TBXAS1: variants seen among roughly 807,000 people sequenced by gnomAD.
The protein encoded by TBXAS1 is thromboxane A synthase 1, also known as thromboxane-A synthase.
In TBXAS1, 48 loss-of-function variants were observed where a neutral mutation model predicts 60.7. The ratio of observed to expected loss-of-function variants is 0.79; its 90% CI spans 0.63 to 1.01. The LOEUF is 1.01. TBXAS1 is among the 50% of genes least tolerant of loss of function. The probability of loss-of-function intolerance (pLI) is 0.00; values close to 1 mark genes in which losing one functional copy is unlikely to be tolerated. For missense variants in TBXAS1, 685 were observed against 686.3 expected (o/e 1.00, Z 0.02); for synonymous variants, 287 against 269.7 (o/e 1.06, Z -0.63).
At chr7:139,980,060 G>A (rs1811857224) in intron 9 of TBXAS1, among the ~76,000 whole-genome samples, 1 of 151,926 alleles carries the variant, frequency 6.6e-6, no homozygotes, top group Non-Finnish European at 1.5e-5. Context: ...GTACCTAGCA[G>A]CATTTTTCTC....
intron 5 of TBXAS1, among the ~76,000 whole-genome samples, chr7:139,943,077 G>T (rs952007588): frequency 6.6e-6 from 1 of 152,144 alleles, no homozygotes; most frequent in African/African-American, 2.4e-5. Flanking sequence ...ACATATGGGG[G>T]CTTCTAAGGC....
intron 4 of TBXAS1, among the ~76,000 whole-genome samples, chr7:139,931,980 A>C (rs990364963): frequency 4.6e-5 from 7 of 152,084 alleles, no homozygotes; most frequent in Non-Finnish European, 7.4e-5. Flanking sequence ...ATAGTAGCAC[A>C]ACCATGTGAG....
intron 1 of TBXAS1, among the ~76,000 whole-genome samples, chr7:139,779,241 C>T (rs998827974): frequency 4.6e-5 from 7 of 152,154 alleles, no homozygotes; most frequent in East Asian, 3.8e-4. Context: ...TTATCCTTTC[C>T]GGTCTCCATC....
chr7:139,962,015 T>A lies in TBXAS1; in HGVS notation c.916T>A (p.Ser306Thr). The A allele has an allele frequency of 6.2e-7, 1 of 1,614,228 alleles. No individual in the cohort carries two copies. Among genetic ancestry groups the A allele is most frequent in the Non-Finnish European group, 8.5e-7 (1 of 1,180,046 alleles). ...DFDIVRDVFSSTGCKPNPSRQ... is the reference protein window; with the variant it reads ...DFDIVRDVFSTTGCKPNPSRQ... ...TGACATCGTCAGAGACGTTTTCTCC[T>A]CTACTGGGTGCAAGCCGAACCCTTC... is the stretch of plus-strand genomic sequence containing the variant. Residue 306 changes from serine to threonine, a missense_variant, in exon 9 of 13, where the codon TCT becomes ACT. Transcript: ENST00000448866.
At chr7:139,900,972 C>T (rs75074215) in intron 3 of TBXAS1, among the ~76,000 whole-genome samples, 3,011 of 152,234 alleles carry the variant, frequency 0.02, 92 homozygotes, top group African/African-American at 0.068. Flanking sequence ...GTGAGCCCAC[C>T]ACCATGACCA....
rs140304685 is a variant in TBXAS1 at position 139,963,283 on chromosome 7, C to T, written c.1134+1050C>T. Among the ~76,000 whole-genome samples the T allele has an allele frequency of 1.4e-4, 22 of 152,316 alleles. 1 individual carries two copies. In the East Asian group the frequency reaches 3.8e-3, roughly 27 times the overall value. ...TGCTTACACAATTGATTTATTGAGC[C>T]TAGACGGAAGAGTTTATATTTATCC... On this transcript the variant is annotated intron_variant, in intron 9 of 12. Transcript: ENST00000448866.
intron 3 of TBXAS1, 41 bp from the exon 4 acceptor site, chr7:139,911,184 G>A: frequency 6.5e-7 from 1 of 1,547,408 alleles, no homozygotes. Context: ...AGGAGAAATG[G>A]GTAATGCAAC....
At chr7:139,794,175 C>A (rs1403555701) in intron 4 of TBXAS1, among the ~76,000 whole-genome samples, 2 of 151,888 alleles carry the variant, frequency 1.3e-5, no homozygotes, top group African/African-American at 4.8e-5. Flanking sequence ...GATCTCGGCT[C>A]GCTGCAACCT....
At chr7:139,968,220 A>T (rs1810934361) in intron 9 of TBXAS1, among the ~76,000 whole-genome samples, 1 of 152,206 alleles carries the variant, frequency 6.6e-6, no homozygotes, top group Non-Finnish European at 1.5e-5. Context: ...CCTTGACTGC[A>T]TTCTCCTTTC....
At chr7:139,935,342 T>C (rs1221185731) in intron 4 of TBXAS1, among the ~76,000 whole-genome samples, 1 of 152,252 alleles carries the variant, frequency 6.6e-6, no homozygotes, top group Non-Finnish European at 1.5e-5. Context: ...CATCACTTTA[T>C]GTACATGGAT....
At chr7:139,782,088 G>C (rs1211284556) in intron 2 of TBXAS1, among the ~76,000 whole-genome samples, 2 of 151,810 alleles carry the variant, frequency 1.3e-5, no homozygotes, top group African/African-American at 4.8e-5. Flanking sequence ...GACAATGAGA[G>C]GGGTCTGGGA....
At chr7:139,960,575 G>A (rs1162981616) in intron 8 of TBXAS1, among the ~76,000 whole-genome samples, 4 of 152,082 alleles carry the variant, frequency 2.6e-5, no homozygotes, top group Middle Eastern at 6.8e-3. Flanking sequence ...GTGAAACCCC[G>A]CCTCTACTAA....
intron 1 of TBXAS1, among the ~76,000 whole-genome samples, chr7:139,834,008 A>G (rs1245872886): frequency 6.6e-6 from 1 of 152,224 alleles, no homozygotes; most frequent in Non-Finnish European, 1.5e-5. Context: ...CAGAATACAC[A>G]TTCTATTCAA....
intron 1 of TBXAS1, among the ~76,000 whole-genome samples, chr7:139,843,657 G>C (rs1799617502): frequency 6.6e-6 from 1 of 152,292 alleles, no homozygotes; most frequent in Non-Finnish European, 1.5e-5. Flanking sequence ...TTATTTTATA[G>C]CTTATGCATG....
chr7:140,012,475 T>G (rs1463858013), intron 10 of TBXAS1, among the ~76,000 whole-genome samples: 4 of 151,492 alleles, frequency 2.6e-5, no homozygotes, highest in African/African-American at 9.7e-5. Flanking sequence ...TTTTTTTTTT[T>G]TTTTTGAGAC....
intron 1 of TBXAS1, among the ~76,000 whole-genome samples, chr7:139,847,700 T>A (rs1799910691): frequency 6.6e-6 from 1 of 152,168 alleles, no homozygotes; most frequent in African/African-American, 2.4e-5. Flanking sequence ...TGCAATAAGG[T>A]CTCTGTTCCA....
chr7:139,834,578 T>C (rs1247709831), intron 1 of TBXAS1, among the ~76,000 whole-genome samples: 2 of 152,094 alleles, frequency 1.3e-5, no homozygotes, highest in East Asian at 1.9e-4. Flanking sequence ...ATTAGCAAGA[T>C]TAACCAAGAA....
At chr7:139,780,196 T>C (rs1330122596) in intron 1 of TBXAS1, among the ~76,000 whole-genome samples, 1 of 152,080 alleles carries the variant, frequency 6.6e-6, no homozygotes, top group East Asian at 1.9e-4. Context: ...ACCACACAGG[T>C]ATGTAACTCC....
chr7:140,009,835 C>CACA, intron 10 of TBXAS1, among the ~76,000 whole-genome samples: 1 of 121,598 alleles, frequency 8.2e-6, no homozygotes. Flanking sequence ...CCACACCTGT[C>CACA]CCATGCCCGC....
Sources: allele counts gnomAD v4.1 joint callset (sites outside exome capture counted in the v4.1 genomes callset), GRCh38; gene constraint gnomAD v4.1.1; transcripts MANE v1.5; gene names NCBI Gene and HGNC (gene_info 2026-07-23, HGNC 2026-07-21).